PRKAR1B: variants seen among roughly 807,000 people sequenced by gnomAD.
PRKAR1B encodes cAMP-dependent protein kinase type I-beta regulatory subunit.
A neutral mutation model predicts 46.5 loss-of-function variants in PRKAR1B; 22 were observed. The ratio of observed to expected loss-of-function variants is 0.47; its 90% CI spans 0.34 to 0.68. The LOEUF (loss-of-function observed/expected upper bound fraction) is 0.68, where lower values mean the gene tolerates loss of function less well. Ranked by LOEUF, PRKAR1B falls within the 30% of genes least tolerant of loss-of-function variation. The pLI is 0.01. For missense variants in PRKAR1B, 445 were observed against 535.6 expected (o/e 0.83, Z 1.67); for synonymous variants, 259 against 217.7 (o/e 1.19, Z -1.67).
At position 685,325 on chromosome 7, in the gene PRKAR1B, T is replaced by TAAA. The variant is rs1779000654; in HGVS notation, c.178-4600_178-4599insTTT. Reference sequence around the variant, plus strand: ...ATATATACGTATATATACGTATATATACGTATATATACGTATATATATGTA... The same window carrying TAAA: ...ATATATACGTATATATACGTATATATAAAACGTATATATACGTATATATATGTA... On this transcript the variant is annotated intron_variant, in intron 2 of 10. Transcript: ENST00000537384. Among the ~76,000 whole-genome samples the TAAA allele has an allele frequency of 5.8e-5, 5 of 86,136 alleles. No homozygotes were observed. In the Admixed American group the frequency reaches 6.1e-4, roughly 11 times the overall value. 56.5% of individuals were successfully genotyped at this position (86,136 alleles called of 152,430 possible). A position where few individuals can be genotyped will look rare whatever the true frequency, so the allele number is the denominator to read the frequency against.
chr7:703,210 T>TC (rs1485238542), intron 2 of PRKAR1B, among the ~76,000 whole-genome samples: 2 of 152,038 alleles, frequency 1.3e-5, no homozygotes, highest in African/African-American at 4.8e-5. Context: ...AACATAGCAA[T>TC]CCCAAATGTA....
intron 9 of PRKAR1B, among the ~76,000 whole-genome samples, chr7:562,276 C>G (rs1583205685): frequency 6.6e-6 from 1 of 150,610 alleles, no homozygotes; most frequent in East Asian, 2.0e-4. Flanking sequence ...CATTCCTGCT[C>G]CAGCCCCAGG....
chr7:599,715 C>G (rs574178081), intron 6 of PRKAR1B, among the ~76,000 whole-genome samples: 2 of 152,268 alleles, frequency 1.3e-5, no homozygotes, highest in African/African-American at 4.8e-5. Flanking sequence ...CACCTTCACT[C>G]GCTCACCCTC....
chr7:720,681 T>C (rs556061437), intron 1 of PRKAR1B, among the ~76,000 whole-genome samples: 12 of 152,350 alleles, frequency 7.9e-5, no homozygotes, highest in African/African-American at 2.9e-4. Context: ...GTACACACAT[T>C]TGGGATTGCT....
At position 645,521 on chromosome 7, in the gene PRKAR1B, G is replaced by A. The variant is rs541592534; in HGVS notation, c.440+31708C>T. ...AAAATAATTAGCCGGGTGTGATGGC[G>A]AGCCCCTGTGGTCCCAGCTACTCAG... On this transcript the variant is annotated intron_variant, in intron 4 of 10. Transcript: ENST00000537384. Among the ~76,000 whole-genome samples, 462 of 152,228 alleles carry A rather than the reference G, an allele frequency of 3.0e-3. 2 individuals are homozygous for A. Among genetic ancestry groups the A allele is most frequent in the Non-Finnish European group, 5.1e-3 (347 of 68,012 alleles).
intron 6 of PRKAR1B, among the ~76,000 whole-genome samples, chr7:600,435 T>C (rs894659327): frequency 6.6e-6 from 1 of 152,152 alleles, no homozygotes. Flanking sequence ...AAGGCTGCAA[T>C]GAGCTATGAT....
chr7:696,538 T>G (rs1392273090), intron 2 of PRKAR1B, among the ~76,000 whole-genome samples: 1 of 152,162 alleles, frequency 6.6e-6, no homozygotes, highest in Non-Finnish European at 1.5e-5. Flanking sequence ...TCTCCCAAAG[T>G]GCTGGGATGA....
intron 9 of PRKAR1B, among the ~76,000 whole-genome samples, chr7:552,048 A>G (rs1784251700): frequency 2.2e-5 from 1 of 45,144 alleles, no homozygotes; most frequent in Non-Finnish European, 4.1e-5. Context: ...CCACCACGTC[A>G]CCACCCAAAC....
At chr7:685,269 C>T (rs533513813) in intron 2 of PRKAR1B, among the ~76,000 whole-genome samples, 85 of 24,376 alleles carry the variant, frequency 3.5e-3, no homozygotes, top group African/African-American at 0.013. Flanking sequence ...TACATATATA[C>T]GTATATATAC....
intron 9 of PRKAR1B, among the ~76,000 whole-genome samples, chr7:557,026 G>A (rs1431075763): frequency 6.6e-6 from 1 of 152,224 alleles, no homozygotes. Flanking sequence ...GAGCTGCAGA[G>A]AACCAGGTGC....
intron 2 of PRKAR1B, among the ~76,000 whole-genome samples, chr7:702,765 G>A (rs1437428916): frequency 6.6e-6 from 1 of 152,180 alleles, no homozygotes; most frequent in African/African-American, 2.4e-5. Flanking sequence ...GGAGCTCGCA[G>A]TGAGCGGAGA....
intron 7 of PRKAR1B, among the ~76,000 whole-genome samples, chr7:595,429 G>A (rs1781216109): frequency 1.3e-5 from 2 of 152,174 alleles, no homozygotes; most frequent in South Asian, 2.1e-4. Context: ...CCTCCACCAG[G>A]ACAAGACTCC....
intron 2 of PRKAR1B, among the ~76,000 whole-genome samples, chr7:699,340 G>A (rs1357638535): frequency 3.9e-5 from 6 of 152,328 alleles, no homozygotes; most frequent in Non-Finnish European, 8.8e-5. Context: ...GCCATATCTC[G>A]GTGTTCCTGC....
chr7:608,435 G>A (rs1782240233), intron 4 of PRKAR1B: 1 of 152,262 alleles, frequency 6.6e-6, no homozygotes, highest in Non-Finnish European at 1.5e-5. Flanking sequence ...GATCCAGACA[G>A]CCCTGACCCT....
chr7:670,704 G>A (rs998649924), intron 4 of PRKAR1B, among the ~76,000 whole-genome samples: 2 of 150,898 alleles, frequency 1.3e-5, no homozygotes, highest in South Asian at 2.1e-4. Flanking sequence ...GCTCCCCCAC[G>A]CCACAGCATC....
chr7:724,974 G>A (rs1399160345), intron 1 of PRKAR1B, among the ~76,000 whole-genome samples: 1 of 152,224 alleles, frequency 6.6e-6, no homozygotes, highest in Non-Finnish European at 1.5e-5. Context: ...CAGCACTCTG[G>A]GAGGCTGAGG....
chr7:619,080 T>G (rs1782979644), intron 4 of PRKAR1B, among the ~76,000 whole-genome samples: 1 of 151,870 alleles, frequency 6.6e-6, no homozygotes, highest in Non-Finnish European at 1.5e-5. Flanking sequence ...CCTACTGGAG[T>G]AGGGTTGGCC....
At chr7:614,385 C>A (rs1486264558) in intron 4 of PRKAR1B, among the ~76,000 whole-genome samples, 2 of 152,192 alleles carry the variant, frequency 1.3e-5, no homozygotes, top group Non-Finnish European at 2.9e-5. Flanking sequence ...CCGTTTACAT[C>A]CCCTCCTCTG....
intron 1 of PRKAR1B, among the ~76,000 whole-genome samples, chr7:721,129 C>A (rs563497826): frequency 6.6e-5 from 10 of 152,340 alleles, no homozygotes; most frequent in African/African-American, 2.2e-4. Flanking sequence ...AGTGGACAAA[C>A]CTTCCTTCCA....
Sources: allele counts gnomAD v4.1 joint callset (sites outside exome capture counted in the v4.1 genomes callset), GRCh38; gene constraint gnomAD v4.1.1; transcripts MANE v1.5; gene names NCBI Gene and HGNC (gene_info 2026-07-23, HGNC 2026-07-21).